Variants in OPRL1 observed in about 807,000 individuals in gnomAD.
OPRL1 encodes nociceptin receptor.
In OPRL1, 5 loss-of-function variants were observed where a neutral mutation model predicts 15.5. The ratio of observed to expected loss-of-function variants is 0.32; its 90% CI spans 0.17 to 0.68. The LOEUF (loss-of-function observed/expected upper bound fraction) is 0.68. OPRL1 is among the 30% of genes least tolerant of loss of function. The pLI is 0.72. For synonymous variants in OPRL1, 223 were observed against 230.2 expected (o/e 0.97, Z 0.28); for missense variants, 406 against 515.3 (o/e 0.79, Z 2.05).
In OPRL1 at chr20:64,083,720, T is replaced by C; in HGVS notation, c.-185+3368T>C. The C allele has an allele frequency of 7.3e-7, 1 of 1,361,936 alleles. No homozygotes were observed. The highest frequency in any genetic ancestry group is 9.4e-7 in the Non-Finnish European group (1 of 1,065,886). The allele number at this position is 1,361,936 out of a possible 1,614,324, so 84.4% of individuals were successfully genotyped here. A position where few individuals can be genotyped will look rare whatever the true frequency, so the allele number is the denominator to read the frequency against. On this transcript the variant is annotated intron_variant, in intron 1 of 4. Transcript: ENST00000336866. This position sits in a 1 kb window ranked among gnomAD's most constrained non-coding sequence, Gnocchi z 4.9. ...ATCTCCTCGGCCTGCGGGGCCCGGG[T>C]AGCTGAGCGCGCGCCGAGCCCCGCC...
rs1979547609 is a variant in OPRL1 at position 64,099,110 on chromosome 20, G to A, written c.*311G>A. 2.4e-6 allele frequency: 1 copy of A among 414,768 alleles called. No individual in the cohort carries two copies. Among genetic ancestry groups the A allele is most frequent in the Non-Finnish European group, 4.3e-6 (1 of 233,236 alleles). 25.7% of individuals were successfully genotyped at this position (414,768 alleles called of 1,614,324 possible). On this transcript the variant is annotated 3_prime_UTR_variant, in exon 5 of 5. Coordinates refer to ENST00000336866, the MANE Select transcript of OPRL1 (RefSeq NM_182647.4). ...AGCTGACATGCTGGTGGACGGCCGT[G>A]ACTGGAGCCCGTGCCCCTCCCTCCC...
intron 1 of OPRL1, among the ~76,000 whole-genome samples, chr20:64,088,728 G>T (rs1569271872): frequency 3.0e-5 from 1 of 32,882 alleles, no homozygotes; most frequent in African/African-American, 1.1e-4. Context: ...GCCAGGATCT[G>T]TGCAAGGGGT....
In OPRL1 at chr20:64,098,107, T is replaced by C. The variant is rs1247237940; in HGVS notation, c.539T>C (p.Val180Ala). The change falls in exon 4 of 5, where the codon GTT (valine) becomes GCT (alanine). Residue 180 changes from valine (V) to alanine (A), a missense_variant. Coordinates refer to ENST00000336866, the MANE Select transcript of OPRL1 (RefSeq NM_182647.4). Reference protein sequence around the residue: ...VNVAIWALASVVGVPVAIMGS... With the variant: ...VNVAIWALASAVGVPVAIMGS... ...GTGGCCATCTGGGCCCTGGCCTCTG[T>C]TGTCGGTGTTCCCGTTGCCATCATG... The C allele has an allele frequency of 6.2e-7, 1 of 1,613,214 alleles. No homozygotes were observed.
rs781578742 is a variant in OPRL1 at position 64,098,810 on chromosome 20, A to G, written c.*11A>G. 2 of 1,578,068 alleles carry G rather than the reference A, an allele frequency of 1.3e-6. No homozygotes were observed. Among genetic ancestry groups the G allele is most frequent in the East Asian group, 2.2e-5 (1 of 44,692 alleles). On this transcript the variant is annotated 3_prime_UTR_variant, in exon 5 of 5. Transcript: ENST00000336866. ...CCGCGGCCCGCATGACTAGGCGTGG[A>G]CCTGCCCATGGTGCCTGTCAGCCCG...
intron 1 of OPRL1, among the ~76,000 whole-genome samples, chr20:64,091,327 C>T (rs2060114344): frequency 6.7e-6 from 1 of 150,254 alleles, no homozygotes; most frequent in Admixed American, 6.8e-5. Context: ...GGGCACTGAT[C>T]TGGGGCCCAG....
At position 64,083,894 on chromosome 20, in the gene OPRL1, C is replaced by G; in HGVS notation, c.-185+3542C>G. On this transcript the variant is annotated intron_variant, in intron 1 of 4. Transcript: ENST00000336866. This position sits in a 1 kb window ranked among gnomAD's most constrained non-coding sequence, Gnocchi z 4.9. ...CGCTGCCTTGAGGACGCCGAGGAGCCGGTTCTGGCGCTCGGCGGGCAGCTC... is the reference window on the plus strand; with the variant it reads ...CGCTGCCTTGAGGACGCCGAGGAGCGGGTTCTGGCGCTCGGCGGGCAGCTC... 6.9e-7 allele frequency: 1 copy of G among 1,442,152 alleles called. No individual in the cohort carries two copies. The highest frequency in any genetic ancestry group is 9.1e-7 in the Non-Finnish European group (1 of 1,103,950). The allele number at this position is 1,442,152 out of a possible 1,614,324, so 89.3% of individuals were successfully genotyped here. A position where few individuals can be genotyped will look rare whatever the true frequency, so the allele number is the denominator to read the frequency against.
Position 64,098,912 on chromosome 20 carries a change from TC to T in OPRL1, c.*115del. On this transcript the variant is annotated 3_prime_UTR_variant, in exon 5 of 5. Transcript: ENST00000336866. ...GCGGACACACCCTGGGCCCTGAGCATCCAGAGCCTGGGATGGGCTTTTCCCT... is the reference window on the plus strand; with the variant it reads ...GCGGACACACCCTGGGCCCTGAGCATCAGAGCCTGGGATGGGCTTTTCCCT... 2 of 1,374,000 alleles carry T rather than the reference TC, an allele frequency of 1.5e-6. No homozygotes were observed. The highest frequency in any genetic ancestry group is 1.9e-6 in the Non-Finnish European group (2 of 1,038,976). 85.1% of individuals were successfully genotyped at this position (1,374,000 alleles called of 1,614,324 possible). A position where few individuals can be genotyped will look rare whatever the true frequency, so the allele number is the denominator to read the frequency against.
rs1182781566 is a variant in OPRL1 at position 64,080,096 on chromosome 20, C to T, written c.-441C>T. The T allele has an allele frequency of 6.7e-6, 1 of 149,944 alleles. No homozygotes were observed. The highest frequency in any genetic ancestry group is 1.5e-5 in the Non-Finnish European group (1 of 67,252). 9.3% of individuals were successfully genotyped at this position (149,944 alleles called of 1,614,324 possible). A position where few individuals can be genotyped will look rare whatever the true frequency, so the allele number is the denominator to read the frequency against. ...CTCCGCACCCCACCCGCCCCGCCCGCGCGTCGGCCCCCACAGTCGCCTGGG... is the reference window on the plus strand; with the variant it reads ...CTCCGCACCCCACCCGCCCCGCCCGTGCGTCGGCCCCCACAGTCGCCTGGG... On this transcript the variant is annotated 5_prime_UTR_variant, in exon 1 of 5. Transcript: ENST00000336866.
chr20:64,094,459 T>G (rs910651665), intron 3 of OPRL1, among the ~76,000 whole-genome samples: 2 of 3,404 alleles, frequency 5.9e-4, no homozygotes, highest in Non-Finnish European at 1.1e-3. Flanking sequence ...GGGCAGTGTG[T>G]GGGTCAGTGT....
intron 3 of OPRL1, among the ~76,000 whole-genome samples, chr20:64,096,593 C>T (rs1359999789): frequency 6.6e-6 from 1 of 152,100 alleles, no homozygotes; most frequent in Admixed American, 6.6e-5. Flanking sequence ...TAATCCCTCT[C>T]TAACAGGCAG....
In OPRL1 at chr20:64,100,116, G is replaced by C. The variant is rs1335173856; in HGVS notation, c.*1317G>C. On this transcript the variant is annotated 3_prime_UTR_variant, in exon 5 of 5. Transcript: ENST00000336866. Reference sequence around the variant, plus strand: ...TGAGGACACTGCGGGGGTTGGGGGGGGGGCGTCTGTACCTCAGGGGATGCC... The same window carrying C: ...TGAGGACACTGCGGGGGTTGGGGGGCGGGCGTCTGTACCTCAGGGGATGCC... The C allele has an allele frequency of 6.6e-6, 1 of 152,098 alleles. No homozygotes were observed. Among genetic ancestry groups the C allele is most frequent in the Non-Finnish European group, 1.5e-5 (1 of 68,028 alleles). The allele number at this position is 152,098 out of a possible 1,614,324, so 9.4% of individuals were successfully genotyped here.
chr20:64,092,661 G>T (rs2060131897), intron 2 of OPRL1, 27 bp from the exon 3 acceptor site: 6 of 1,543,140 alleles, frequency 3.9e-6, no homozygotes, highest in Non-Finnish European at 4.4e-6. Flanking sequence ...TGGCACTGCA[G>T]CCACTTGTCT....
intron 1 of OPRL1, chr20:64,084,211 C>T (rs2060014736): frequency 7.1e-7 from 1 of 1,416,136 alleles, no homozygotes; most frequent in African/African-American, 1.5e-5. Flanking sequence ...CCTTCGCTGG[C>T]GGCGGCATCC....
intron 1 of OPRL1, chr20:64,084,024 C>T (rs566046280): frequency 1.3e-6 from 2 of 1,503,426 alleles, no homozygotes; most frequent in East Asian, 2.9e-5. Flanking sequence ...AGCAGGTCGC[C>T]GAAGAGCAGA....
At position 64,083,791 on chromosome 20, in the gene OPRL1, C is replaced by T; in HGVS notation, c.-185+3439C>T. The T allele has an allele frequency of 1.5e-6, 2 of 1,339,304 alleles. No homozygotes were observed. Among genetic ancestry groups the T allele is most frequent in the Non-Finnish European group, 1.9e-6 (2 of 1,051,358 alleles). The allele number at this position is 1,339,304 out of a possible 1,614,324, so 83.0% of individuals were successfully genotyped here. On this transcript the variant is annotated intron_variant, in intron 1 of 4. Transcript: ENST00000336866. The surrounding 1 kb of genome is among the most constrained non-coding windows in gnomAD (Gnocchi z 4.9). ...CCGCTCAACGCTCCCGGTGCGCCCCCTCTGCCCTCCGACCCCCTCGCCTCA... is the reference window on the plus strand; with the variant it reads ...CCGCTCAACGCTCCCGGTGCGCCCCTTCTGCCCTCCGACCCCCTCGCCTCA...
At position 64,092,888 on chromosome 20, in the gene OPRL1, G is replaced by T; in HGVS notation, c.168G>T (p.Gly56=). 6.2e-7 allele frequency: 1 copy of T among 1,612,724 alleles called. No individual in the cohort carries two copies. Among genetic ancestry groups the T allele is most frequent in the Non-Finnish European group, 8.5e-7 (1 of 1,179,922 alleles). The part of the protein sequence containing the change: ...LPLGLKVTIV[G]LYLAVCVGGL... ...TCGGGCTCAAGGTCACCATCGTGGG[G>T]CTCTACCTGGCCGTGTGTGTCGGAG... The change falls in exon 3 of 5, where the codon GGG becomes GGT. Residue 56 remains glycine (G), a synonymous_variant. Transcript: ENST00000336866.
rs2060104979 is a variant in OPRL1, at chr20:64,090,070, C to T, written c.-184-1896C>T. 1.3e-5 allele frequency among the ~76,000 whole-genome samples: 2 copies of T among 152,160 alleles called. No homozygotes were observed. Among genetic ancestry groups the T allele is most frequent in the Admixed American group, 1.3e-4 (2 of 15,282 alleles). On this transcript the variant is annotated intron_variant, in intron 1 of 4. Coordinates refer to ENST00000336866, the MANE Select transcript of OPRL1 (RefSeq NM_182647.4). The surrounding 1 kb of genome is among the most constrained non-coding windows in gnomAD (Gnocchi z 4.9). ...GGGCCTTGGTCTGTGTCTGCCTGTT[C>T]CCAAAGGTGTCCATGCACACTCTAG...
In OPRL1 at chr20:64,083,679, C is replaced by A; in HGVS notation, c.-185+3327C>A. ...TGGCGGCGCGCGCGGACTTCTGCCG[C>A]TGGATGAGCAGCGCGATCTCCTCGG... On this transcript the variant is annotated intron_variant, in intron 1 of 4. Transcript: ENST00000336866. This position sits in a 1 kb window ranked among gnomAD's most constrained non-coding sequence, Gnocchi z 4.9. The A allele has an allele frequency of 1.4e-6, 2 of 1,426,262 alleles. No homozygotes were observed. The highest frequency in any genetic ancestry group is 2.9e-5 in the South Asian group (2 of 68,964). The allele number at this position is 1,426,262 out of a possible 1,614,324, so 88.4% of individuals were successfully genotyped here.
chr20:64,097,890 G>A lies in OPRL1; in HGVS notation c.322G>A (p.Gly108Ser). 6.2e-7 allele frequency: 1 copy of A among 1,613,574 alleles called. No homozygotes were observed. Among genetic ancestry groups the A allele is most frequent in the Non-Finnish European group, 8.5e-7 (1 of 1,179,982 alleles). Residue 108 changes from glycine to serine, a missense_variant, in exon 4 of 5, where the codon GGC becomes AGC. Transcript: ENST00000336866. The surrounding 1 kb of genome is among the most constrained non-coding windows in gnomAD (Gnocchi z 4.2). ...TLVLLTLPFQ[G>S]TDILLGFWPF... ...GGTCCTGCTGACGCTGCCCTTCCAG[G>A]GCACGGACATCCTCCTGGGCTTCTG...
Sources: allele counts gnomAD v4.1 joint callset (sites outside exome capture counted in the v4.1 genomes callset), GRCh38; gene constraint gnomAD v4.1.1; non-coding constraint Gnocchi (gnomAD v3.1); transcripts MANE v1.5; gene names NCBI Gene and HGNC (gene_info 2026-07-23, HGNC 2026-07-21).